MYO6: variants seen among roughly 807,000 people sequenced by gnomAD.
The protein encoded by MYO6 is myosin VI.
In MYO6, 74 loss-of-function variants were observed where a neutral mutation model predicts 178.7. The ratio of observed to expected loss-of-function variants is 0.41; its 90% CI spans 0.34 to 0.50. The LOEUF (loss-of-function observed/expected upper bound fraction) is 0.50, where lower values mean the gene tolerates loss of function less well. Ranked by LOEUF, MYO6 falls within the 20% of genes least tolerant of loss-of-function variation. The pLI is 0.09. For missense variants in MYO6, 1,330 were observed against 1,547.4 expected, an observed-to-expected ratio of 0.86 and a Z score of 2.36; for synonymous variants, 477 against 504.6, an observed-to-expected ratio of 0.95 and a Z score of 0.73.
chr6:75,883,270 G>A (rs1319975704), intron 23 of MYO6, among the ~76,000 whole-genome samples: 2 of 151,768 alleles, frequency 1.3e-5, no homozygotes. Flanking sequence ...TAAAAAGGAA[G>A]TTTGACATAA....
intron 30 of MYO6, among the ~76,000 whole-genome samples, chr6:75,904,759 C>T (rs192830805): frequency 2.6e-5 from 4 of 152,306 alleles, no homozygotes; most frequent in East Asian, 3.9e-4. Context: ...AGCTTTGTTC[C>T]GTGGCTGGTG....
At chr6:75,845,046 T>C in intron 10 of MYO6, 69 bp downstream of exon 10, 1 of 1,317,206 alleles carries the variant, frequency 7.6e-7, no homozygotes. Flanking sequence ...TGTGTTATAA[T>C]TTTTATTTTA....
intron 2 of MYO6, among the ~76,000 whole-genome samples, chr6:75,821,175 A>G (rs929724589): frequency 6.6e-6 from 1 of 152,040 alleles, no homozygotes; most frequent in Non-Finnish European, 1.5e-5. Context: ...TCATTCCAGC[A>G]ACTCTTTGTC....
At position 75,828,426 on chromosome 6, in the gene MYO6, G is replaced by A. The variant is rs113135723; in HGVS notation, c.188-114G>A. 246 of 703,100 alleles carry A rather than the reference G, an allele frequency of 3.5e-4. 1 individual carries two copies. The African/African-American group carries it at 4.1e-3, about 12-fold the overall frequency. The allele number at this position is 703,100 out of a possible 1,614,324, so 43.6% of individuals were successfully genotyped here. On this transcript the variant is annotated intron_variant, in intron 3 of 34. Transcript: ENST00000369977. ...GGTTTTAAAAAAGATGGAGTTAAATGTAACCTAACAATTGATTTTTAGGAT... is the reference window on the plus strand; with the variant it reads ...GGTTTTAAAAAAGATGGAGTTAAATATAACCTAACAATTGATTTTTAGGAT...
intron 1 of MYO6, among the ~76,000 whole-genome samples, chr6:75,791,926 T>C (rs914442401): frequency 3.3e-5 from 5 of 151,276 alleles, no homozygotes; most frequent in African/African-American, 9.8e-5. Flanking sequence ...AGAATTTTTC[T>C]GTGGCAAAAT....
At chr6:75,836,006 G>C (rs779482424) in intron 7 of MYO6, 50 bp downstream of exon 7, 45 of 1,276,938 alleles carry the variant, frequency 3.5e-5, no homozygotes, top group Admixed American at 3.4e-5. Context: ...TAATTTACAA[G>C]ACTTCTTTTA....
At chr6:75,900,096 T>C (rs902635122) in intron 30 of MYO6, among the ~76,000 whole-genome samples, 3 of 151,908 alleles carry the variant, frequency 2.0e-5, no homozygotes, top group Admixed American at 6.6e-5. Context: ...TAGTATTCCA[T>C]GGTGTATATG....
In MYO6 at chr6:75,892,656, A is replaced by C. The variant is rs1778991122; in HGVS notation, c.3073A>C (p.Ser1025Arg). 4 of 1,612,750 alleles carry C rather than the reference A, an allele frequency of 2.5e-6. No individual in the cohort carries two copies. Among genetic ancestry groups the C allele is most frequent in the Non-Finnish European group, 3.4e-6 (4 of 1,179,998 alleles). Reference sequence around the variant, plus strand: ...TGCCCAGAGTGAAGCCGAGCTCATCAGTGATGAGGCCCAGGCCGACCTGGC... The same window carrying C: ...TGCCCAGAGTGAAGCCGAGCTCATCCGTGATGAGGCCCAGGCCGACCTGGC... ...RIAQSEAELI[S>R]DEAQADLALR... is the part of the protein sequence containing the mutation. The change falls in exon 28 of 35, where the codon AGT (serine) becomes CGT (arginine). Residue 1025 changes from serine (S) to arginine (R), a missense_variant. By Grantham distance (110) the Ser-to-Arg change is moderately radical (BLOSUM62 -1). Around this residue, in one of 3 missense-constraint regions of MYO6, gnomAD observed 601 missense variants for 626.1 expected, o/e 0.96. Transcript: ENST00000369977.
At position 75,798,664 on chromosome 6, in the gene MYO6, A is replaced by T. The variant is rs533454652; in HGVS notation, c.-47-18837A>T. ...ATGATAAACCCATAGCCAACATTGG[A>T]CTGAACAGGCAAAAGCTGAAACTAT... is the stretch of plus-strand genomic sequence containing the variant. On this transcript the variant is annotated intron_variant, in intron 1 of 34. Coordinates refer to ENST00000369977, the MANE Select transcript of MYO6 (RefSeq NM_004999.4). Among the ~76,000 whole-genome samples, 10 of 152,336 alleles carry T rather than the reference A, an allele frequency of 6.6e-5. No homozygotes were observed. In the South Asian group the frequency reaches 2.1e-3, roughly 32 times the overall value.
Position 75,892,634 on chromosome 6 carries a change from C to T in MYO6, c.3051C>T (p.Ala1017=). Residue 1017 remains alanine, a synonymous_variant, in exon 28 of 35, where the codon GCC becomes GCT. Coordinates refer to ENST00000369977, the MANE Select transcript of MYO6 (RefSeq NM_004999.4). The part of the protein sequence containing the change: ...RRDRELALRI[A]QSEAELISDE... The stretch of plus-strand genomic sequence containing the variant: ...ACCGGGAGCTGGCCCTGAGGATTGC[C>T]CAGAGTGAAGCCGAGCTCATCAGTG... 1 of 1,613,096 alleles carries T rather than the reference C, an allele frequency of 6.2e-7. No homozygotes were observed. Among genetic ancestry groups the T allele is most frequent in the African/African-American group, 1.3e-5 (1 of 75,008 alleles).
chr6:75,816,890 A>G (rs1383831942), intron 1 of MYO6, among the ~76,000 whole-genome samples: 4 of 152,194 alleles, frequency 2.6e-5, no homozygotes, highest in Admixed American at 6.5e-5. Context: ...GGTAAAAACT[A>G]TCATTGTTTG....
chr6:75,813,144 T>A (rs956638559), intron 1 of MYO6, among the ~76,000 whole-genome samples: 7 of 152,236 alleles, frequency 4.6e-5, no homozygotes, highest in Non-Finnish European at 7.3e-5. Context: ...TAAGCCCTTT[T>A]CTTTTGGATT....
intron 2 of MYO6, among the ~76,000 whole-genome samples, chr6:75,821,498 A>T (rs76919691): frequency 0.022 from 3,364 of 152,198 alleles, 134 homozygotes; most frequent in African/African-American, 0.077. Flanking sequence ...CATTAACAAC[A>T]TGTGTACTGG....
At chr6:75,774,244 T>C (rs1766155566) in intron 1 of MYO6, among the ~76,000 whole-genome samples, 1 of 152,210 alleles carries the variant, frequency 6.6e-6, no homozygotes, top group Non-Finnish European at 1.5e-5. Context: ...TATTTTTACA[T>C]AATAAAATGG....
chr6:75,901,313 A>T (rs1052633794), intron 30 of MYO6, among the ~76,000 whole-genome samples: 1 of 152,146 alleles, frequency 6.6e-6, no homozygotes, highest in African/African-American at 2.4e-5. Context: ...GAATCTGTAA[A>T]TTACCTTGGG....
intron 33 of MYO6, among the ~76,000 whole-genome samples, chr6:75,913,546 C>T (rs1272092007): frequency 1.3e-5 from 2 of 151,858 alleles, no homozygotes; most frequent in African/African-American, 4.8e-5. Flanking sequence ...AATTTGTTGG[C>T]AAAAGAAAAA....
At chr6:75,817,714 G>GT (rs780530269) in intron 2 of MYO6, 50 bp downstream of exon 2, 176 of 1,510,444 alleles carry the variant, frequency 1.2e-4, no homozygotes, top group Admixed American at 2.7e-4. Flanking sequence ...AAAAATAGGT[G>GT]TTTTTTTTCA....
intron 1 of MYO6, 50 bp from the exon 2 acceptor site, chr6:75,817,451 T>C: frequency 2.1e-6 from 2 of 954,266 alleles, no homozygotes; most frequent in Admixed American, 3.4e-5. Flanking sequence ...ATTTGTTTTA[T>C]ATATATTTCA....
In MYO6 at chr6:75,886,163, T is replaced by A; in HGVS notation, c.2507+69T>A. Reference sequence around the variant, plus strand: ...ACTGTAATACAAAATGACAATAAAGTCATAATAAAAAGCAGTTTGGATACT... The same window carrying A: ...ACTGTAATACAAAATGACAATAAAGACATAATAAAAAGCAGTTTGGATACT... On this transcript the variant is annotated intron_variant, in intron 24 of 34. Coordinates refer to ENST00000369977, the MANE Select transcript of MYO6 (RefSeq NM_004999.4). 3 of 1,115,234 alleles carry A rather than the reference T, an allele frequency of 2.7e-6. No homozygotes were observed. The East Asian group carries it at 7.2e-5, about 27-fold the overall frequency. The allele number at this position is 1,115,234 out of a possible 1,614,324, so 69.1% of individuals were successfully genotyped here.
Sources: gnomAD v4.1 joint callset for allele counts (sites outside exome capture counted in the v4.1 genomes callset) on GRCh38, gnomAD v4.1.1 for gene constraint, gnomAD v4.1.1 regional missense constraint, MANE v1.5 for transcripts, NCBI Gene and HGNC (gene_info 2026-07-23, HGNC 2026-07-21) for gene names.